The following VMP1 variants were observed in gnomAD, a reference collection of about 807,000 sequenced individuals.
VMP1 encodes ectopic P-granules autophagy protein 3 homolog.
In VMP1, 11 loss-of-function variants were observed where a neutral mutation model predicts 56.0. That is an observed-to-expected ratio of 0.20 (90% CI 0.12 to 0.32). The LOEUF is 0.32. Among genes scored for constraint, VMP1 ranks in the 10% least tolerant of loss-of-function variants. The pLI is 1.00. For synonymous variants in VMP1, 149 were observed against 165.0 expected, an observed-to-expected ratio of 0.90 and a Z score of 0.74; for missense variants, 296 against 490.3, an observed-to-expected ratio of 0.60 and a Z score of 3.74.
chr17:59,838,104 T>A, intron 10 of VMP1, 191 bp from the exon 11 acceptor site: 1 of 234,116 alleles, frequency 4.3e-6, no homozygotes, highest in South Asian at 1.1e-4. Flanking sequence ...AATTTTCTTT[T>A]TTTTTTTTTT....
intron 7 of VMP1, among the ~76,000 whole-genome samples, chr17:59,801,647 C>G (rs1002929808): frequency 6.6e-6 from 1 of 152,104 alleles, no homozygotes; most frequent in African/African-American, 2.4e-5. Context: ...ATAATCCCAG[C>G]ACTTTAGGAG....
intron 1 of VMP1, among the ~76,000 whole-genome samples, chr17:59,725,786 C>T (rs1400593988): frequency 6.6e-6 from 1 of 152,124 alleles, no homozygotes; most frequent in African/African-American, 2.4e-5. Flanking sequence ...ATTATGTTTT[C>T]CAGAGAGAAT....
At chr17:59,720,916 T>A (rs1186806091) in intron 1 of VMP1, among the ~76,000 whole-genome samples, 1 of 151,662 alleles carries the variant, frequency 6.6e-6, no homozygotes, top group African/African-American at 2.4e-5. Flanking sequence ...GAGGTTGCGG[T>A]GAGCCGAGAT....
intron 7 of VMP1, chr17:59,784,839 C>T (rs548202562): frequency 6.1e-4 from 93 of 152,126 alleles, no homozygotes; most frequent in African/African-American, 1.9e-3. Flanking sequence ...ATAAAAGACA[C>T]CAAGTTAAAT....
intron 7 of VMP1, among the ~76,000 whole-genome samples, chr17:59,789,134 C>CA (rs1195592729): frequency 2.0e-5 from 3 of 149,114 alleles, no homozygotes; most frequent in Admixed American, 6.7e-5. Flanking sequence ...ACTAAAAATA[C>CA]AAAAAATTAG....
At chr17:59,789,305 C>T (rs150831969) in intron 7 of VMP1, among the ~76,000 whole-genome samples, 3,991 of 151,010 alleles carry the variant, frequency 0.026, 173 homozygotes, top group African/African-American at 0.092. Flanking sequence ...CGCCTATAAT[C>T]CCAGCACTTT....
chr17:59,725,080 C>G (rs989745652), intron 1 of VMP1, among the ~76,000 whole-genome samples: 1 of 152,102 alleles, frequency 6.6e-6, no homozygotes, highest in African/African-American at 2.4e-5. Context: ...TCACTTGAAC[C>G]TGGGAAGCAG....
chr17:59,815,435 C>T (rs1384885529), intron 9 of VMP1, among the ~76,000 whole-genome samples: 1 of 150,814 alleles, frequency 6.6e-6, no homozygotes, highest in Admixed American at 6.6e-5. Flanking sequence ...AGCACACACA[C>T]AGTATTATAA....
chr17:59,775,947 A>G (rs1372012780), intron 7 of VMP1, among the ~76,000 whole-genome samples: 1 of 152,164 alleles, frequency 6.6e-6, no homozygotes, highest in East Asian at 1.9e-4. Context: ...GGCTTTTTAA[A>G]AATGCATTAT....
chr17:59,761,467 A>AT, intron 5 of VMP1, among the ~76,000 whole-genome samples: 1 of 152,236 alleles, frequency 6.6e-6, no homozygotes, highest in South Asian at 2.1e-4. Flanking sequence ...GGGAGGGTGA[A>AT]GGGGACAATT....
chr17:59,717,051 C>T (rs1286822268), intron 1 of VMP1, among the ~76,000 whole-genome samples: 1 of 151,994 alleles, frequency 6.6e-6, no homozygotes, highest in Non-Finnish European at 1.5e-5. Context: ...GCGATCTCGG[C>T]TTATTGCAAG....
chr17:59,791,233 G>T (rs1219704922), intron 7 of VMP1, among the ~76,000 whole-genome samples: 1 of 147,502 alleles, frequency 6.8e-6, no homozygotes, highest in East Asian at 2.0e-4. Context: ...TTGTTGCCCA[G>T]GCTGGAGTGC....
intron 1 of VMP1, among the ~76,000 whole-genome samples, chr17:59,720,048 A>C (rs1457011616): frequency 2.6e-5 from 4 of 152,214 alleles, no homozygotes; most frequent in African/African-American, 4.8e-5. Context: ...TCATTCTTAC[A>C]AACAAAACTA....
intron 10 of VMP1, among the ~76,000 whole-genome samples, chr17:59,830,722 A>G (rs752671497): frequency 6.6e-6 from 1 of 152,240 alleles, no homozygotes; most frequent in Non-Finnish European, 1.5e-5. Flanking sequence ...TAAAAAATTT[A>G]CTTTATTAAT....
chr17:59,823,626 C>T (rs1413390866), intron 10 of VMP1, among the ~76,000 whole-genome samples: 1 of 151,644 alleles, frequency 6.6e-6, no homozygotes, highest in East Asian at 1.9e-4. Context: ...GTGGACGGCA[C>T]CTGTATCTCA....
rs2037251375 is a variant in VMP1, at chr17:59,792,070, A to G, written c.715-16726A>G. Among the ~76,000 whole-genome samples, 4 of 152,204 alleles carry G rather than the reference A, an allele frequency of 2.6e-5. No individual in the cohort carries two copies. The South Asian group carries it at 6.2e-4, about 24-fold the overall frequency. On this transcript the variant is annotated intron_variant, in intron 7 of 11. Transcript: ENST00000262291. The stretch of plus-strand genomic sequence containing the variant: ...GAGGATCACTTGAGCCAAGGAGTTC[A>G]AGGCCAACCTAGGAAACATAGTGAA...
In VMP1 at chr17:59,766,132, A is replaced by G. The variant is rs527266177; in HGVS notation, c.582+994A>G. ...GCTCTGTTGCCCAGGCTGGAGTGCA[A>G]TGGCGCCATCTCGGCTCATTGCAGC... On this transcript the variant is annotated intron_variant, in intron 6 of 11. Transcript: ENST00000262291. 4.6e-5 allele frequency among the ~76,000 whole-genome samples: 7 copies of G among 151,984 alleles called. No individual in the cohort carries two copies. The South Asian group carries it at 1.5e-3, about 32-fold the overall frequency.
chr17:59,725,423 G>C (rs2143770728), intron 1 of VMP1, among the ~76,000 whole-genome samples: 1 of 152,004 alleles, frequency 6.6e-6, no homozygotes, highest in East Asian at 1.9e-4. Flanking sequence ...AAATCCTTTA[G>C]AAAATGGTTA....
chr17:59,790,800 A>G (rs115975599), intron 7 of VMP1, among the ~76,000 whole-genome samples: 87 of 152,320 alleles, frequency 5.7e-4, no homozygotes, highest in African/African-American at 2.0e-3. Context: ...GAAAAAAAAG[A>G]AAGTTTTAAA....
Sources: allele counts gnomAD v4.1 joint callset (sites outside exome capture counted in the v4.1 genomes callset), GRCh38; gene constraint gnomAD v4.1.1; transcripts MANE v1.5; gene names NCBI Gene and HGNC (gene_info 2026-07-23, HGNC 2026-07-21).